COPZ1: variants seen among roughly 807,000 people sequenced by gnomAD.
The protein encoded by COPZ1 is coatomer subunit zeta-1.
A neutral mutation model predicts 31.7 loss-of-function variants in COPZ1; 4 were observed. That is an observed-to-expected ratio of 0.13 (90% CI 0.06 to 0.29). The LOEUF (loss-of-function observed/expected upper bound fraction) is 0.29. Ranked by LOEUF, COPZ1 falls within the 10% of genes least tolerant of loss-of-function variation. COPZ1 has a pLI of 1.00. For missense variants in COPZ1, 156 were observed against 211.5 expected, an observed-to-expected ratio of 0.74 and a Z score of 1.63; for synonymous variants, 74 against 79.0, an observed-to-expected ratio of 0.94 and a Z score of 0.33.
intron 1 of COPZ1, among the ~76,000 whole-genome samples, chr12:54,332,463 A>G (rs1953774495): frequency 6.6e-6 from 1 of 151,586 alleles, no homozygotes; most frequent in African/African-American, 2.4e-5. Context: ...GTGGCTGGGC[A>G]TGGTAGCTCA....
chr12:54,350,602 C>A lies in COPZ1; in HGVS notation c.*79C>A. The A allele has an allele frequency of 1.7e-6, 2 of 1,143,868 alleles. No individual in the cohort carries two copies. Among genetic ancestry groups the A allele is most frequent in the Non-Finnish European group, 2.7e-6 (2 of 751,182 alleles). 70.9% of individuals were successfully genotyped at this position (1,143,868 alleles called of 1,614,324 possible). On this transcript the variant is annotated 3_prime_UTR_variant, in exon 9 of 9. Coordinates refer to ENST00000262061, the MANE Select transcript of COPZ1 (RefSeq NM_016057.3). Reference sequence around the variant, plus strand: ...GTGAATTTTCATCTAGTTCCCCAATCGATGCTCTCAGGGTCATCTCGGGGA... The same window carrying A: ...GTGAATTTTCATCTAGTTCCCCAATAGATGCTCTCAGGGTCATCTCGGGGA...
chr12:54,343,448 A>AG lies in COPZ1; in HGVS notation c.261+133dup, dbSNP rs2137106944. 5.7e-6 allele frequency: 4 copies of AG among 704,990 alleles called. No individual in the cohort carries two copies. In the East Asian group the frequency reaches 1.0e-4, roughly 18 times the overall value. 43.7% of individuals were successfully genotyped at this position (704,990 alleles called of 1,614,324 possible). ...CTGACCAAGCTAATGAAGTTGTCAGAGATCCCACCAGCCTCACAAACATGG... is the reference window on the plus strand; with the variant it reads ...CTGACCAAGCTAATGAAGTTGTCAGAGGATCCCACCAGCCTCACAAACATGG... On this transcript the variant is annotated intron_variant, in intron 4 of 8. Transcript: ENST00000262061.
rs775928806 is a variant in COPZ1 at position 54,343,278 on chromosome 12, C to T, written c.223C>T (p.Leu75Phe). 2 of 1,614,002 alleles carry T rather than the reference C, an allele frequency of 1.2e-6. No homozygotes were observed. The highest frequency in any genetic ancestry group is 4.5e-5 in the East Asian group (2 of 44,890). ...AGTGGTATACAAAAGCAGTATAGAT[C>T]TCTATTTCTATGTGATTGGCAGCTC... ...LTVVYKSSID[L>F]YFYVIGSSYE... The change falls in exon 4 of 9, where the codon CTC becomes TTC. Residue 75 changes from leucine (L) to phenylalanine (F), a missense_variant. Transcript: ENST00000262061.
chr12:54,330,283 T>G (rs1472780562), intron 1 of COPZ1, among the ~76,000 whole-genome samples: 1 of 152,178 alleles, frequency 6.6e-6, no homozygotes, highest in Non-Finnish European at 1.5e-5. Flanking sequence ...TTATTGACAC[T>G]TCAAATTAAA....
At chr12:54,340,698 C>G (rs1953959140) in intron 2 of COPZ1, 83 bp downstream of exon 2, 7 of 1,352,600 alleles carry the variant, frequency 5.2e-6, no homozygotes, top group Non-Finnish European at 7.2e-6. Flanking sequence ...ACCTTATTAA[C>G]TTATGTTCCT....
At chr12:54,346,974 T>C (rs988155895) in intron 5 of COPZ1, among the ~76,000 whole-genome samples, 3 of 151,712 alleles carry the variant, frequency 2.0e-5, no homozygotes, top group Admixed American at 1.3e-4. Context: ...AGAAGAGATA[T>C]AAGTTACTTT....
intron 1 of COPZ1, among the ~76,000 whole-genome samples, chr12:54,340,120 T>C (rs749477671): frequency 6.6e-6 from 1 of 152,130 alleles, no homozygotes; most frequent in African/African-American, 2.4e-5. Context: ...AACTTCCAAG[T>C]ATACTAGGAC....
At chr12:54,333,844 A>G (rs1360985201) in intron 1 of COPZ1, among the ~76,000 whole-genome samples, 1 of 152,086 alleles carries the variant, frequency 6.6e-6, no homozygotes, top group African/African-American at 2.4e-5. Flanking sequence ...TTTATAACCA[A>G]TATTTGGTCT....
At chr12:54,325,906 C>T (rs1324609163) in intron 1 of COPZ1, among the ~76,000 whole-genome samples, 2 of 150,896 alleles carry the variant, frequency 1.3e-5, no homozygotes, top group East Asian at 1.9e-4. Flanking sequence ...GCAATCTCCA[C>T]CTCCCGGGTT....
chr12:54,349,605 ATC>A lies in COPZ1; in HGVS notation c.448-11_448-10del. On this transcript the variant is annotated splice_polypyrimidine_tract_variant and intron_variant, in intron 7 of 8. Transcript: ENST00000262061. ...GCTTTCTCCCACACTAAATGCTTGT[ATC>A]TCTGTGCCATAGGGTGAAGATGTCC... is the stretch of plus-strand genomic sequence containing the variant. 1.2e-6 allele frequency: 2 copies of A among 1,609,404 alleles called. No individual in the cohort carries two copies. Among genetic ancestry groups the A allele is most frequent in the Non-Finnish European group, 1.7e-6 (2 of 1,175,696 alleles).
Position 54,350,710 on chromosome 12 carries a change from C to T in COPZ1, c.*187C>T. On this transcript the variant is annotated 3_prime_UTR_variant, in exon 9 of 9. Coordinates refer to ENST00000262061, the MANE Select transcript of COPZ1 (RefSeq NM_016057.3). ...ACCCTTCCTATTCTTTTTCATTCTT[C>T]TTGCAGTTCTGGGAGTAAAGCTCCC... The T allele has an allele frequency of 1.6e-6, 1 of 607,684 alleles. No individual in the cohort carries two copies. The highest frequency in any genetic ancestry group is 3.0e-6 in the Non-Finnish European group (1 of 337,152). 37.6% of individuals were successfully genotyped at this position (607,684 alleles called of 1,614,324 possible).
At chr12:54,341,080 T>A (rs1032642288) in intron 2 of COPZ1, among the ~76,000 whole-genome samples, 2 of 152,212 alleles carry the variant, frequency 1.3e-5, no homozygotes, top group African/African-American at 4.8e-5. Flanking sequence ...CCCTGCTTGC[T>A]GTCCTCAGAC....
In COPZ1 at chr12:54,343,859, C is replaced by T. The variant is rs375931914; in HGVS notation, c.261+543C>T. Among the ~76,000 whole-genome samples, 4 of 152,252 alleles carry T rather than the reference C, an allele frequency of 2.6e-5. No homozygotes were observed. The South Asian group carries it at 8.3e-4, about 32-fold the overall frequency. On this transcript the variant is annotated intron_variant, in intron 4 of 8. Transcript: ENST00000262061. The stretch of plus-strand genomic sequence containing the variant: ...GGCAAAAGTGAAAGTTTGAGAAAGT[C>T]AACTCTTACTGAGCTCTTATTATTG...
chr12:54,345,572 G>T, intron 5 of COPZ1, 57 bp downstream of exon 5: 1 of 1,383,480 alleles, frequency 7.2e-7, no homozygotes. Context: ...GCAGGGCATT[G>T]TTGATTTCTT....
At chr12:54,325,537 A>T (rs1953614673) in intron 1 of COPZ1, 1 of 215,932 alleles carries the variant, frequency 4.6e-6, no homozygotes, top group Admixed American at 5.1e-5. Flanking sequence ...AACTCGCCCC[A>T]TATTGTAAGA....
Position 54,340,590 on chromosome 12 carries a change from A to T in COPZ1, c.62A>T (p.Asn21Ile). 1 of 1,614,098 alleles carries T rather than the reference A, an allele frequency of 6.2e-7. No individual in the cohort carries two copies. The highest frequency in any genetic ancestry group is 8.5e-7 in the Non-Finnish European group (1 of 1,180,004). Residue 21 changes from asparagine (N) to isoleucine (I), a missense_variant, in exon 2 of 9, where the codon AAT becomes ATT. Coordinates refer to ENST00000262061, the MANE Select transcript of COPZ1 (RefSeq NM_016057.3). ...YTVKAILILD[N>I]DGDRLFAKYY... is the part of the protein sequence containing the mutation. ...GTCAAAGCCATCCTGATTCTGGACA[A>T]TGATGGAGATCGACTTTTTGCCAAG...
intron 1 of COPZ1, chr12:54,337,302 C>T (rs753322025): frequency 5.6e-6 from 3 of 534,030 alleles, no homozygotes; most frequent in South Asian, 2.8e-5. Flanking sequence ...AACTTTGTCT[C>T]GAAAGCTTTC....
Position 54,326,961 on chromosome 12 carries a change from C to CTTTTTTTTTTTTTTTTTT in COPZ1, c.18+1800_18+1817dup, listed in dbSNP as rs60827109. Among the ~76,000 whole-genome samples, 9 of 43,568 alleles carry CTTTTTTTTTTTTTTTTTT rather than the reference C, an allele frequency of 2.1e-4. 3 individuals are homozygous for CTTTTTTTTTTTTTTTTTT. The highest frequency in any genetic ancestry group is 3.6e-4 in the Non-Finnish European group (8 of 22,526). 28.6% of individuals were successfully genotyped at this position (43,568 alleles called of 152,430 possible). A position where few individuals can be genotyped will look rare whatever the true frequency, so the allele number is the denominator to read the frequency against. On this transcript the variant is annotated intron_variant, in intron 1 of 8. Coordinates refer to ENST00000262061, the MANE Select transcript of COPZ1 (RefSeq NM_016057.3). ...CTGTACCAAGCAGTTAACAAGTATT[C>CTTTTTTTTTTTTTTTTTT]TTTTTTTTTTTTTTTTTTTTTTTTT...
intron 1 of COPZ1, among the ~76,000 whole-genome samples, chr12:54,327,414 C>T (rs1953675589): frequency 6.6e-6 from 1 of 151,966 alleles, no homozygotes; most frequent in East Asian, 1.9e-4. Context: ...TCTCCTGCCT[C>T]AGCCTCACGA....
Sources: allele counts gnomAD v4.1 joint callset (sites outside exome capture counted in the v4.1 genomes callset), GRCh38; gene constraint gnomAD v4.1.1; transcripts MANE v1.5; gene names NCBI Gene and HGNC (gene_info 2026-07-23, HGNC 2026-07-21).